The following DGKI variants were observed in gnomAD, a reference collection of about 807,000 sequenced individuals.
DGKI encodes the protein diacylglycerol kinase iota, also known as DAG kinase iota.
A neutral mutation model predicts 147.5 loss-of-function variants in DGKI; 55 were observed. The ratio of observed to expected loss-of-function variants is 0.37; its 90% CI spans 0.30 to 0.47. The LOEUF is 0.47. Ranked by LOEUF, DGKI falls within the 20% of genes least tolerant of loss-of-function variation. DGKI has a pLI of 1.00. For synonymous variants in DGKI, 469 were observed against 477.1 expected (o/e 0.98, Z 0.22); for missense variants, 1,007 against 1,323.8 (o/e 0.76, Z 3.71).
intron 1 of DGKI, among the ~76,000 whole-genome samples, chr7:137,701,325 T>C (rs1026955401): frequency 4.6e-5 from 7 of 152,018 alleles, no homozygotes; most frequent in African/African-American, 1.7e-4. Context: ...AACATTGTAA[T>C]GGAAGTTCTA....
At chr7:137,454,550 G>A (rs930978068) in intron 27 of DGKI, among the ~76,000 whole-genome samples, 1 of 152,092 alleles carries the variant, frequency 6.6e-6, no homozygotes, top group Non-Finnish European at 1.5e-5. Context: ...TTATCCTGAC[G>A]ATGTAGCCAT....
At chr7:137,407,811 A>G in intron 30 of DGKI, 64 bp downstream of exon 30, 1 of 1,585,858 alleles carries the variant, frequency 6.3e-7, no homozygotes, top group Non-Finnish European at 8.6e-7. Flanking sequence ...GTAACTTAGA[A>G]AATGCAAAAT....
chr7:137,822,707 C>T (rs1393003690), intron 1 of DGKI, among the ~76,000 whole-genome samples: 3 of 151,636 alleles, frequency 2.0e-5, no homozygotes, highest in Admixed American at 2.0e-4. Flanking sequence ...TTGAAGAAAA[C>T]AGAATTAATG....
intron 20 of DGKI, among the ~76,000 whole-genome samples, chr7:137,533,273 G>C (rs1817405641): frequency 6.6e-6 from 1 of 152,020 alleles, no homozygotes; most frequent in Non-Finnish European, 1.5e-5. Context: ...TAGCCACAGA[G>C]TGAGACCCTG....
rs541674666 is a variant in DGKI, at chr7:137,844,493, C to A, written c.401+1969G>T. On this transcript the variant is annotated intron_variant, in intron 1 of 32. Transcript: ENST00000614521. Reference sequence around the variant, plus strand: ...GATTCTGCAAGTCTAGGGTGGTGAGCACTTTTAACCAGACACCTGAGGTGA... The same window carrying A: ...GATTCTGCAAGTCTAGGGTGGTGAGAACTTTTAACCAGACACCTGAGGTGA... Among the ~76,000 whole-genome samples, 108 of 152,310 alleles carry A rather than the reference C, an allele frequency of 7.1e-4. No individual in the cohort carries two copies. In the Middle Eastern group the frequency reaches 0.017, roughly 24 times the overall value.
Position 137,466,041 on chromosome 7 carries a change from G to A in DGKI, c.2485-6C>T. 6.2e-7 allele frequency: 1 copy of A among 1,613,238 alleles called. No individual in the cohort carries two copies. The highest frequency in any genetic ancestry group is 1.3e-5 in the African/African-American group (1 of 75,016). ...ATCACAAAGTGCAAATGTTCCTAAA[G>A]AAGAACAAGAAGTCTGTTGCATGAA... On this transcript the variant is annotated splice_polypyrimidine_tract_variant and splice_region_variant and intron_variant, in intron 25 of 32. Coordinates refer to ENST00000614521, the MANE Select transcript of DGKI (RefSeq NM_001321708.2).
rs1449315880 is a variant in DGKI at position 137,627,007 on chromosome 7, C to T, written c.805-3453G>A. Reference sequence around the variant, plus strand: ...CCAATTTTCTGACATCTATCTTCCACTCCTTTGCATTATAAATTCCTGTCC... The same window carrying T: ...CCAATTTTCTGACATCTATCTTCCATTCCTTTGCATTATAAATTCCTGTCC... On this transcript the variant is annotated intron_variant, in intron 6 of 32. Transcript: ENST00000614521. Among the ~76,000 whole-genome samples, 3 of 152,236 alleles carry T rather than the reference C, an allele frequency of 2.0e-5. No homozygotes were observed. The East Asian group carries it at 5.8e-4, about 29-fold the overall frequency.
intron 21 of DGKI, among the ~76,000 whole-genome samples, chr7:137,494,413 A>C (rs1815884874): frequency 6.6e-6 from 1 of 152,162 alleles, no homozygotes; most frequent in African/African-American, 2.4e-5. Flanking sequence ...AGTTTAAGGA[A>C]GCTAGAAAGA....
At chr7:137,429,437 A>G (rs1412064321) in intron 28 of DGKI, among the ~76,000 whole-genome samples, 1 of 151,636 alleles carries the variant, frequency 6.6e-6, no homozygotes, top group Non-Finnish European at 1.5e-5. Flanking sequence ...TTAGACCTAA[A>G]ACCATAAAAA....
intron 19 of DGKI, among the ~76,000 whole-genome samples, chr7:137,555,192 G>T: frequency 6.6e-6 from 1 of 151,484 alleles, no homozygotes; most frequent in Admixed American, 6.6e-5. Flanking sequence ...GGGATTACAG[G>T]TGTGAGCCAC....
intron 3 of DGKI, among the ~76,000 whole-genome samples, chr7:137,677,335 T>C (rs1823069552): frequency 6.6e-6 from 1 of 152,214 alleles, no homozygotes; most frequent in African/African-American, 2.4e-5. Context: ...TCACGAGTTC[T>C]CAATGTCACA....
chr7:137,450,878 C>A (rs1301711779), intron 27 of DGKI, among the ~76,000 whole-genome samples: 1 of 151,800 alleles, frequency 6.6e-6, no homozygotes, highest in Non-Finnish European at 1.5e-5. Context: ...CCAATATTAA[C>A]CCTGCTTATG....
Position 137,792,585 on chromosome 7 carries a change from T to A in DGKI, c.401+53877A>T, listed in dbSNP as rs111430799. On this transcript the variant is annotated intron_variant, in intron 1 of 32. Transcript: ENST00000614521. ...GCATTTTTCTAGGCAACTAGTATGGTTTGGATATTTGTTCCTTCCAAATCT... is the reference window on the plus strand; with the variant it reads ...GCATTTTTCTAGGCAACTAGTATGGATTGGATATTTGTTCCTTCCAAATCT... Among the ~76,000 whole-genome samples, 692 of 152,318 alleles carry A rather than the reference T, an allele frequency of 4.5e-3. 3 individuals are homozygous for A. The highest frequency in any genetic ancestry group is 7.4e-3 in the Non-Finnish European group (500 of 68,018).
intron 1 of DGKI, among the ~76,000 whole-genome samples, chr7:137,785,120 T>A (rs1395936500): frequency 6.6e-6 from 1 of 150,500 alleles, no homozygotes; most frequent in Non-Finnish European, 1.5e-5. Flanking sequence ...ATAACAAAGA[T>A]CAGAGCAGAA....
intron 1 of DGKI, among the ~76,000 whole-genome samples, chr7:137,728,738 C>T (rs1239259559): frequency 6.6e-6 from 1 of 152,136 alleles, no homozygotes; most frequent in Non-Finnish European, 1.5e-5. Flanking sequence ...TTCTCATAGC[C>T]AATCAACCTC....
chr7:137,711,684 CTTTTTTT>C (rs71177918), intron 1 of DGKI, among the ~76,000 whole-genome samples: 2 of 79,726 alleles, frequency 2.5e-5, no homozygotes, highest in East Asian at 4.4e-4. Context: ...GGGATACCAA[CTTTTTTT>C]TTTTTTTTTT....
At chr7:137,838,295 AC>A (rs1357440845) in intron 1 of DGKI, among the ~76,000 whole-genome samples, 1 of 151,704 alleles carries the variant, frequency 6.6e-6, no homozygotes, top group Non-Finnish European at 1.5e-5. Flanking sequence ...TTCCTTCAAA[AC>A]TCTTAAAGAG....
chr7:137,746,798 G>A (rs1408779135), intron 1 of DGKI, among the ~76,000 whole-genome samples: 1 of 152,070 alleles, frequency 6.6e-6, no homozygotes, highest in East Asian at 1.9e-4. Context: ...TTATCCTCAA[G>A]ACTTTAATAT....
intron 21 of DGKI, among the ~76,000 whole-genome samples, chr7:137,509,645 T>C (rs1040599428): frequency 1.3e-5 from 2 of 152,168 alleles, no homozygotes; most frequent in Non-Finnish European, 2.9e-5. Flanking sequence ...ACTGTGATGA[T>C]GGAGGACAAA....
Sources: gnomAD v4.1 joint callset for allele counts (sites outside exome capture counted in the v4.1 genomes callset) on GRCh38, gnomAD v4.1.1 for gene constraint, MANE v1.5 for transcripts, NCBI Gene and HGNC (gene_info 2026-07-23, HGNC 2026-07-21) for gene names.